Variants in HELLS observed in about 807,000 individuals in gnomAD.
HELLS encodes lymphoid-specific helicase.
In HELLS, 32 loss-of-function variants were observed where a neutral mutation model predicts 120.0. That is an observed-to-expected ratio of 0.27 (90% CI 0.20 to 0.36). HELLS has a LOEUF of 0.36. Ranked by LOEUF, HELLS falls within the 10% of genes least tolerant of loss-of-function variation. HELLS has a pLI of 1.00. For missense variants in HELLS, 650 were observed against 993.4 expected, an observed-to-expected ratio of 0.65 and a Z score of 4.65; for synonymous variants, 341 against 323.4, an observed-to-expected ratio of 1.05 and a Z score of -0.58.
At chr10:94,588,026 A>C (rs1047685702) in intron 12 of HELLS, among the ~76,000 whole-genome samples, 5 of 152,210 alleles carry the variant, frequency 3.3e-5, no homozygotes, top group Non-Finnish European at 7.3e-5. Flanking sequence ...TTAAAAGAAA[A>C]TAAATTCTGA....
chr10:94,603,840 T>C (rs76510582), downstream of HELLS, among the ~76,000 whole-genome samples: 5,161 of 152,082 alleles, frequency 0.034, 257 homozygotes, highest in African/African-American at 0.11. Context: ...TTCCTTTTTT[T>C]CCCCTTTTTT....
intron 2 of HELLS, among the ~76,000 whole-genome samples, chr10:94,552,025 C>A (rs1430053756): frequency 6.6e-6 from 1 of 152,188 alleles, no homozygotes; most frequent in Non-Finnish European, 1.5e-5. Flanking sequence ...AGGCGTGAGC[C>A]ACCGCGCCCA....
At chr10:94,585,688 G>C (rs997339428) in intron 12 of HELLS, among the ~76,000 whole-genome samples, 3 of 149,408 alleles carry the variant, frequency 2.0e-5, no homozygotes, top group African/African-American at 7.3e-5. Flanking sequence ...CTGGCCAACA[G>C]ATTTTTTTTT....
intron 2 of HELLS, among the ~76,000 whole-genome samples, chr10:94,553,920 A>G (rs557810791): frequency 7.2e-5 from 11 of 152,280 alleles, no homozygotes; most frequent in Non-Finnish European, 4.4e-5. Flanking sequence ...TGAAATTATA[A>G]TATTTTGATA....
intron 11 of HELLS, 51 bp downstream of exon 11, chr10:94,581,573 G>C (rs979336037): frequency 7.5e-7 from 1 of 1,334,366 alleles, no homozygotes; most frequent in Non-Finnish European, 1.0e-6. Context: ...TGTGCTGTTA[G>C]TTAAAATTAC....
At position 94,588,380 on chromosome 10, in the gene HELLS, G is replaced by A. The variant is rs747372074; in HGVS notation, c.1478G>A (p.Gly493Glu). ...AACCGTACAATTGCAAACATGTTTG[G>A]ATCCAGTGAGGTATAGTGGTTTTGA... is the stretch of plus-strand genomic sequence containing the variant. ...IVNRTIANMF[G>E]SSEKETIELS... is the part of the protein sequence containing the mutation. Residue 493 changes from glycine (G) to glutamate (E), a missense_variant, in exon 13 of 22, where the codon GGA becomes GAA. Physicochemically the swap from Gly to Glu is moderately conservative, Grantham distance 98. Coordinates refer to ENST00000348459, the MANE Select transcript of HELLS (RefSeq NM_018063.5). 1 of 1,601,844 alleles carries A rather than the reference G, an allele frequency of 6.2e-7. No homozygotes were observed. The highest frequency in any genetic ancestry group is 2.2e-5 in the East Asian group (1 of 44,600).
intron 8 of HELLS, among the ~76,000 whole-genome samples, chr10:94,607,290 A>G (rs753963834): frequency 3.3e-5 from 5 of 152,306 alleles, no homozygotes; most frequent in East Asian, 1.9e-4. Flanking sequence ...TCTGTTGTCT[A>G]TTGAGTCAGT....
intron 3 of HELLS, among the ~76,000 whole-genome samples, chr10:94,556,546 T>C (rs1479756163): frequency 6.6e-6 from 1 of 152,200 alleles, no homozygotes; most frequent in Non-Finnish European, 1.5e-5. Flanking sequence ...ATAACAATCA[T>C]GATAGTGGAC....
In HELLS at chr10:94,581,317, GT is replaced by G. The variant is rs765262862; in HGVS notation, c.1033-5del. 2.9e-5 allele frequency: 44 copies of G among 1,492,280 alleles called. No homozygotes were observed. Among genetic ancestry groups the G allele is most frequent in the Non-Finnish European group, 4.0e-5 (44 of 1,111,170 alleles). The allele number at this position is 1,492,280 out of a possible 1,614,324, so 92.4% of individuals were successfully genotyped here. A position where few individuals can be genotyped will look rare whatever the true frequency, so the allele number is the denominator to read the frequency against. The stretch of plus-strand genomic sequence containing the variant: ...GTTTAAAAATCTTTTTCCTCAATTC[GT>G]TTTCTAGCATTGCTATTGGAAATAC... On this transcript the variant is annotated splice_polypyrimidine_tract_variant and splice_region_variant and intron_variant, in intron 10 of 21. Coordinates refer to ENST00000348459, the MANE Select transcript of HELLS (RefSeq NM_018063.5).
rs1308854161 is a variant in HELLS at position 94,574,099 on chromosome 10, A to G, written c.617A>G (p.Asn206Ser). ...KFFFDPVRKCNGQPVPFQQPK... is the reference protein window; with the variant it reads ...KFFFDPVRKCSGQPVPFQQPK... ...TTTTTTGACCCAGTCCGGAAGTGTA[A>G]TGGTCAGCCAGTACCTTTTCAACAA... The change falls in exon 8 of 22, where the codon AAT (asparagine) becomes AGT (serine). Residue 206 changes from asparagine to serine, a missense_variant. Around this residue, in one of 9 missense-constraint regions of HELLS, gnomAD observed 113 missense variants for 120.7 expected, o/e 0.94. Coordinates refer to ENST00000348459, the MANE Select transcript of HELLS (RefSeq NM_018063.5). 3 of 1,613,926 alleles carry G rather than the reference A, an allele frequency of 1.9e-6. No individual in the cohort carries two copies. Among genetic ancestry groups the G allele is most frequent in the African/African-American group, 1.3e-5 (1 of 74,902 alleles).
intron 3 of HELLS, among the ~76,000 whole-genome samples, chr10:94,554,950 A>C: frequency 6.6e-6 from 1 of 151,886 alleles, no homozygotes; most frequent in East Asian, 1.9e-4. Context: ...GAAGTTTGAG[A>C]CCAGGCTGGG....
intron 4 of HELLS, among the ~76,000 whole-genome samples, chr10:94,560,658 C>G (rs1843506290): frequency 6.6e-6 from 1 of 151,966 alleles, no homozygotes; most frequent in African/African-American, 2.4e-5. Flanking sequence ...GATTGCATCA[C>G]CGCACTCTAG....
At chr10:94,600,278 G>T (rs578253899) in intron 21 of HELLS, among the ~76,000 whole-genome samples, 1 of 146,262 alleles carries the variant, frequency 6.8e-6, no homozygotes, top group Non-Finnish European at 1.5e-5. Flanking sequence ...GTGACAGAGC[G>T]AGACTCTGTC....
chr10:94,554,646 TTTTTTTTTTG>T (rs935100367), intron 3 of HELLS, among the ~76,000 whole-genome samples: 8 of 132,882 alleles, frequency 6.0e-5, no homozygotes, highest in Non-Finnish European at 9.8e-5. Context: ...GTAATAGTGT[TTTTTTTTTTG>T]TTTTTTTTTT....
chr10:94,608,758 C>A (rs1299221452), intron 9 of HELLS, among the ~76,000 whole-genome samples: 2 of 151,978 alleles, frequency 1.3e-5, no homozygotes, highest in Non-Finnish European at 2.9e-5. Context: ...GCTGGGACTG[C>A]AAACGTGTGC....
In HELLS at chr10:94,576,735, G is replaced by C; in HGVS notation, c.962G>C (p.Gly321Ala). 2.5e-6 allele frequency: 4 copies of C among 1,611,832 alleles called. No individual in the cohort carries two copies. Among genetic ancestry groups the C allele is most frequent in the Non-Finnish European group, 3.4e-6 (4 of 1,178,274 alleles). The change falls in exon 10 of 22, where the codon GGG becomes GCG. Residue 321 changes from glycine to alanine, a missense_variant. Around this residue, in one of 9 missense-constraint regions of HELLS, gnomAD observed 61 missense variants for 86.5 expected, o/e 0.71. Coordinates refer to ENST00000348459, the MANE Select transcript of HELLS (RefSeq NM_018063.5). ...KLVRNIYKRK[G>A]TLQIHPVVIT... ...GTAAGAAATATTTACAAACGGAAAG[G>C]GACTTTGCAGATTCATCCTGTGGTA...
At chr10:94,569,522 C>T (rs1844025609) in intron 6 of HELLS, 1 of 152,174 alleles carries the variant, frequency 6.6e-6, no homozygotes, top group African/African-American at 2.4e-5. Flanking sequence ...ACAGTTACCA[C>T]ACTTTTGAAA....
chr10:94,576,233 A>T (rs1844474290), intron 9 of HELLS, among the ~76,000 whole-genome samples: 1 of 151,954 alleles, frequency 6.6e-6, no homozygotes, highest in African/African-American at 2.4e-5. Context: ...GCTATCTCAC[A>T]CGCCTGAGTA....
intron 4 of HELLS, 30 bp downstream of exon 4, chr10:94,558,225 G>A: frequency 1.3e-6 from 2 of 1,533,442 alleles, no homozygotes; most frequent in Non-Finnish European, 1.7e-6. Flanking sequence ...TATTTTTTAT[G>A]TCATTTAAAT....
Sources: allele counts gnomAD v4.1 joint callset (sites outside exome capture counted in the v4.1 genomes callset), GRCh38; gene constraint gnomAD v4.1.1; regional missense constraint gnomAD v4.1.1; transcripts MANE v1.5; gene names NCBI Gene and HGNC (gene_info 2026-07-23, HGNC 2026-07-21).